Variants in PTH2R observed in about 807,000 individuals in gnomAD.
The protein encoded by PTH2R is PTH2 receptor.
PTH2R carries 59 observed loss-of-function variants against 60.3 expected under a neutral mutation model. The ratio of observed to expected loss-of-function variants is 0.98; its 90% CI spans 0.79 to 1.22. PTH2R has a LOEUF of 1.22. PTH2R is among the 50% of genes most tolerant of loss of function. The pLI, the probability that PTH2R is intolerant of heterozygous loss-of-function variation, is 0.00. For synonymous variants in PTH2R, 256 were observed against 243.8 expected, an observed-to-expected ratio of 1.05 and a Z score of -0.47; for missense variants, 749 against 682.6, an observed-to-expected ratio of 1.10 and a Z score of -1.08.
upstream of PTH2R, among the ~76,000 whole-genome samples, chr2:208,403,072 C>G (rs968149050): frequency 6.6e-6 from 1 of 152,120 alleles, no homozygotes; most frequent in African/African-American, 2.4e-5. Flanking sequence ...TTTGGGGAAT[C>G]AGGATATTTT....
intron 7 of PTH2R, 75 bp from the exon 8 acceptor site, chr2:208,450,674 T>C: frequency 2.1e-6 from 3 of 1,405,024 alleles, no homozygotes; most frequent in Non-Finnish European, 3.0e-6. Context: ...TATATTCTTA[T>C]ATATGGTGAA....
At chr2:208,406,085 G>A (rs1015351226), upstream of PTH2R, among the ~76,000 whole-genome samples, 1 of 152,200 alleles carries the variant, frequency 6.6e-6, no homozygotes, top group Non-Finnish European at 1.5e-5. Flanking sequence ...TTAAGACAAA[G>A]AGAGGCCAGT....
At chr2:208,378,732 T>C (rs905718010) in intron 1 of PTH2R, among the ~76,000 whole-genome samples, 2 of 152,100 alleles carry the variant, frequency 1.3e-5, no homozygotes, top group African/African-American at 4.8e-5. Flanking sequence ...TCTCCTGAAC[T>C]GCGAGATATA....
chr2:208,394,523 C>T (rs1207635706), intron 1 of PTH2R, among the ~76,000 whole-genome samples: 1 of 152,228 alleles, frequency 6.6e-6, no homozygotes, highest in Admixed American at 6.5e-5. Flanking sequence ...GCATGACCCT[C>T]TAAGCCATGG....
intron 9 of PTH2R, among the ~76,000 whole-genome samples, chr2:208,480,397 T>A (rs1341063751): frequency 6.6e-6 from 1 of 152,092 alleles, no homozygotes; most frequent in Non-Finnish European, 1.5e-5. Flanking sequence ...CCTGGAGACA[T>A]GTTCTTCATC....
At chr2:208,454,386 G>GT (rs1267034765) in intron 8 of PTH2R, among the ~76,000 whole-genome samples, 1 of 152,170 alleles carries the variant, frequency 6.6e-6, no homozygotes, top group African/African-American at 2.4e-5. Context: ...GGTCATGAGA[G>GT]TGGGGCCCTG....
At chr2:208,493,042 C>T (rs1283180716) in intron 12 of PTH2R, among the ~76,000 whole-genome samples, 1 of 152,118 alleles carries the variant, frequency 6.6e-6, no homozygotes, top group Non-Finnish European at 1.5e-5. Flanking sequence ...TGGACAAGTC[C>T]CTTCACCTCT....
intron 1 of PTH2R, among the ~76,000 whole-genome samples, chr2:208,361,774 A>G (rs77729269): frequency 6.8e-6 from 1 of 146,502 alleles, no homozygotes; most frequent in Non-Finnish European, 1.5e-5. Context: ...TTTTTTTTTT[A>G]AAAAAAAGGA....
intron 1 of PTH2R, among the ~76,000 whole-genome samples, chr2:208,362,730 T>G (rs986777355): frequency 2.0e-5 from 3 of 152,194 alleles, no homozygotes; most frequent in African/African-American, 7.2e-5. Context: ...CTACTTTTAA[T>G]TTTTTGAGGA....
At chr2:208,404,791 C>A (rs1477580321), upstream of PTH2R, among the ~76,000 whole-genome samples, 1 of 152,084 alleles carries the variant, frequency 6.6e-6, no homozygotes, top group Non-Finnish European at 1.5e-5. Flanking sequence ...CCAGACTTCC[C>A]TGTTGTTATC....
intron 4 of PTH2R, among the ~76,000 whole-genome samples, chr2:208,441,736 T>G (rs757176973): frequency 5.9e-5 from 9 of 152,210 alleles, no homozygotes; most frequent in African/African-American, 9.6e-5. Context: ...GTTCTGTACT[T>G]GATTACAGTA....
At chr2:208,417,261 A>C (rs1019595938) in intron 1 of PTH2R, among the ~76,000 whole-genome samples, 1 of 152,164 alleles carries the variant, frequency 6.6e-6, no homozygotes, top group Admixed American at 6.5e-5. Context: ...CATTTTACAT[A>C]CATTGTAAAA....
chr2:208,489,701 A>C (rs1270492101), intron 11 of PTH2R, among the ~76,000 whole-genome samples: 2 of 152,160 alleles, frequency 1.3e-5, no homozygotes, highest in African/African-American at 4.8e-5. Context: ...CTTGCCAGAA[A>C]TACTCAAAGA....
At chr2:208,391,417 G>A (rs1402516857) in intron 1 of PTH2R, among the ~76,000 whole-genome samples, 1 of 152,176 alleles carries the variant, frequency 6.6e-6, no homozygotes, top group Non-Finnish European at 1.5e-5. Flanking sequence ...CCCACTGGCT[G>A]TTGAGCTGGT....
chr2:208,418,743 T>C (rs1245573321), intron 1 of PTH2R, among the ~76,000 whole-genome samples: 1 of 152,160 alleles, frequency 6.6e-6, no homozygotes, highest in South Asian at 2.1e-4. Context: ...TTTCCCTCTT[T>C]TTTTGCACAA....
chr2:208,487,510 C>T (rs1040897806), intron 10 of PTH2R, among the ~76,000 whole-genome samples: 4 of 152,154 alleles, frequency 2.6e-5, no homozygotes, highest in African/African-American at 7.2e-5. Flanking sequence ...AAAAGTATAA[C>T]CTCACCCACT....
intron 1 of PTH2R, chr2:208,360,940 G>T: frequency 4.5e-6 from 1 of 222,968 alleles, no homozygotes; most frequent in Middle Eastern, 1.7e-3. Flanking sequence ...GGGGGCATTA[G>T]CCAGGAGCAC....
At chr2:208,447,722 A>G (rs1702317602) in intron 7 of PTH2R, among the ~76,000 whole-genome samples, 1 of 151,962 alleles carries the variant, frequency 6.6e-6, no homozygotes, top group Non-Finnish European at 1.5e-5. Context: ...ACAAATATTT[A>G]AAATAACTGT....
At chr2:208,477,943 G>GTAGTACTAGCACTACTAC in intron 9 of PTH2R, among the ~76,000 whole-genome samples, 1 of 32,702 alleles carries the variant, frequency 3.1e-5, no homozygotes, top group South Asian at 9.3e-4. Flanking sequence ...ACTACTACTA[G>GTAGTACTAGCACTACTAC]TAGTACTAGC....
Sources: allele counts gnomAD v4.1 joint callset (sites outside exome capture counted in the v4.1 genomes callset), GRCh38; gene constraint gnomAD v4.1.1; transcripts MANE v1.5; gene names NCBI Gene and HGNC (gene_info 2026-07-23, HGNC 2026-07-21).